FKBP4: variants seen among roughly 807,000 people sequenced by gnomAD.
FKBP4 encodes FKBP prolyl isomerase 4, also known as peptidyl-prolyl cis-trans isomerase FKBP4.
FKBP4 carries 28 observed loss-of-function variants against 54.1 expected under a neutral mutation model. The observed-to-expected ratio is 0.52, with a 90% confidence interval of 0.38 to 0.71. The LOEUF (loss-of-function observed/expected upper bound fraction) is 0.71, where lower values mean the gene tolerates loss of function less well. Among genes scored for constraint, FKBP4 ranks in the 30% least tolerant of loss-of-function variants. The pLI, the probability that FKBP4 is intolerant of heterozygous loss-of-function variation, is 0.00. For missense variants in FKBP4, 493 were observed against 574.4 expected (o/e 0.86, Z 1.45); for synonymous variants, 223 against 216.1 (o/e 1.03, Z -0.28).
At chr12:2,797,053 G>A in intron 1 of FKBP4, 85 bp from the exon 2 acceptor site, 1 of 1,565,048 alleles carries the variant, frequency 6.4e-7, no homozygotes, top group African/African-American at 1.4e-5. Context: ...GTCCCTTTAT[G>A]TTCCCTCTGG....
In FKBP4 at chr12:2,798,766, C is replaced by G. The variant is rs142464168; in HGVS notation, c.454C>G (p.Arg152Gly). The G allele has an allele frequency of 6.2e-7, 1 of 1,613,822 alleles. No individual in the cohort carries two copies. Among genetic ancestry groups the G allele is most frequent in the Non-Finnish European group, 8.5e-7 (1 of 1,179,948 alleles). Residue 152 changes from arginine (R) to glycine (G), a missense_variant, in exon 4 of 10, where the codon CGC (arginine) becomes GGC (glycine). By Grantham distance (125) the Arg-to-Gly change is moderately radical. Transcript: ENST00000001008. This position sits in a 1 kb window ranked among gnomAD's most constrained non-coding sequence, Gnocchi z 4.3. Reference protein sequence around the residue: ...LTEEEDGGIIRRIQTRGEGYA... With the variant: ...LTEEEDGGIIGRIQTRGEGYA... Reference sequence around the variant, plus strand: ...GGAAGAGGAAGATGGCGGAATCATTCGCAGAATACAGACTCGCGGTGAAGG... The same window carrying G: ...GGAAGAGGAAGATGGCGGAATCATTGGCAGAATACAGACTCGCGGTGAAGG...
intron 7 of FKBP4, 55 bp from the exon 8 acceptor site, chr12:2,800,337 A>G: frequency 6.4e-7 from 1 of 1,553,444 alleles, no homozygotes; most frequent in Non-Finnish European, 8.7e-7. Context: ...GCAGGGTATA[A>G]GAGCCTAGTA....
At position 2,803,302 on chromosome 12, in the gene FKBP4, T is replaced by C; in HGVS notation, c.*44T>C. On this transcript the variant is annotated 3_prime_UTR_variant, in exon 10 of 10. Transcript: ENST00000001008. ...ACTCCTGCGGCTGCCTGCCCCCCAG[T>C]CTCCCCACTCCACCCTGTTAGTTTT... 1.6e-5 allele frequency: 21 copies of C among 1,319,158 alleles called. No homozygotes were observed. Among genetic ancestry groups the C allele is most frequent in the Non-Finnish European group, 2.2e-5 (21 of 943,744 alleles). The allele number at this position is 1,319,158 out of a possible 1,614,324, so 81.7% of individuals were successfully genotyped here.
chr12:2,797,157 C>G lies in FKBP4; in HGVS notation c.125C>G (p.Thr42Arg), dbSNP rs764421075. The G allele has an allele frequency of 1.2e-6, 2 of 1,612,882 alleles. No individual in the cohort carries two copies. The highest frequency in any genetic ancestry group is 1.7e-6 in the Non-Finnish European group (2 of 1,179,850). ...TCCCAGGTCATCAAGAGAGAGGGCACAGGTACAGAGATGCCCATGATTGGG... is the reference window on the plus strand; with the variant it reads ...TCCCAGGTCATCAAGAGAGAGGGCAGAGGTACAGAGATGCCCATGATTGGG... ...GVLKVIKREG[T>R]GTEMPMIGDR... is the part of the protein sequence containing the mutation. Residue 42 changes from threonine (T) to arginine (R), a missense_variant, in exon 2 of 10, where the codon ACA (threonine) becomes AGA (arginine). By Grantham distance (71) the Thr-to-Arg change is moderately conservative (BLOSUM62 -1). Transcript: ENST00000001008.
chr12:2,796,722 A>G (rs57120900), intron 1 of FKBP4: 48,629 of 1,065,464 alleles, frequency 0.046, 1,474 homozygotes, highest in East Asian at 0.21. Flanking sequence ...ATGAAGGAAG[A>G]AGGAGGAAGT....
intron 9 of FKBP4, among the ~76,000 whole-genome samples, chr12:2,802,283 G>C (rs866991200): frequency 3.3e-5 from 5 of 152,050 alleles, no homozygotes; most frequent in Non-Finnish European, 7.4e-5. Flanking sequence ...GATTACAGGC[G>C]CCCGCCACCA....
At chr12:2,796,052 A>G (rs2097901645) in intron 1 of FKBP4, 1 of 1,176,500 alleles carries the variant, frequency 8.5e-7, no homozygotes, top group Non-Finnish European at 1.1e-6. Flanking sequence ...AGCTGCGGGG[A>G]GGGCATCTTG....
Position 2,803,309 on chromosome 12 carries a change from A to G in FKBP4, c.*51A>G. The stretch of plus-strand genomic sequence containing the variant: ...CGGCTGCCTGCCCCCCAGTCTCCCC[A>G]CTCCACCCTGTTAGTTTTGTAAAAA... On this transcript the variant is annotated 3_prime_UTR_variant, in exon 10 of 10. Transcript: ENST00000001008. 1 of 1,265,276 alleles carries G rather than the reference A, an allele frequency of 7.9e-7. No individual in the cohort carries two copies. The highest frequency in any genetic ancestry group is 1.5e-5 in the African/African-American group (1 of 67,368). The allele number at this position is 1,265,276 out of a possible 1,614,324, so 78.4% of individuals were successfully genotyped here. A position where few individuals can be genotyped will look rare whatever the true frequency, so the allele number is the denominator to read the frequency against.
chr12:2,797,046 C>T (rs2097902234), intron 1 of FKBP4, 92 bp from the exon 2 acceptor site: 2 of 1,548,290 alleles, frequency 1.3e-6, no homozygotes, highest in Admixed American at 1.9e-5. Context: ...CAGAGAAGTC[C>T]CTTTATGTTC....
rs2153920944 is a variant in FKBP4 at position 2,803,571 on chromosome 12, A to G, written c.*313A>G. 1 of 270,924 alleles carries G rather than the reference A, an allele frequency of 3.7e-6. No individual in the cohort carries two copies. Among genetic ancestry groups the G allele is most frequent in the Non-Finnish European group, 7.4e-6 (1 of 135,420 alleles). 16.8% of individuals were successfully genotyped at this position (270,924 alleles called of 1,614,324 possible). A position where few individuals can be genotyped will look rare whatever the true frequency, so the allele number is the denominator to read the frequency against. On this transcript the variant is annotated 3_prime_UTR_variant, in exon 10 of 10. Transcript: ENST00000001008. The stretch of plus-strand genomic sequence containing the variant: ...CCATTTTCTAAGGGTAGAAGAGGCA[A>G]GTGGTAGGGATGAGGTCTGATAAGA...
chr12:2,798,841 T>C lies in FKBP4; in HGVS notation c.514+15T>C, dbSNP rs760823059. 6.2e-7 allele frequency: 1 copy of C among 1,611,740 alleles called. No homozygotes were observed. The highest frequency in any genetic ancestry group is 1.1e-5 in the South Asian group (1 of 91,044). On this transcript the variant is annotated intron_variant, in intron 4 of 9. Transcript: ENST00000001008. This position sits in a 1 kb window ranked among gnomAD's most constrained non-coding sequence, Gnocchi z 4.3. ...TATCGTGGAGGGTGAGACAGTACAG[T>C]CTGGGCTTTCAATTCTCATTCTGAT...
In FKBP4 at chr12:2,798,842, C is replaced by T. The variant is rs764175520; in HGVS notation, c.514+16C>T. The stretch of plus-strand genomic sequence containing the variant: ...ATCGTGGAGGGTGAGACAGTACAGT[C>T]TGGGCTTTCAATTCTCATTCTGATA... On this transcript the variant is annotated intron_variant, in intron 4 of 9. Transcript: ENST00000001008. The surrounding 1 kb of genome is among the most constrained non-coding windows in gnomAD (Gnocchi z 4.3). 2.5e-6 allele frequency: 4 copies of T among 1,611,570 alleles called. No homozygotes were observed. The highest frequency in any genetic ancestry group is 3.4e-6 in the Non-Finnish European group (4 of 1,177,844).
Position 2,795,917 on chromosome 12 carries a change from G to A in FKBP4, c.105+673G>A. On this transcript the variant is annotated intron_variant, in intron 1 of 9. Transcript: ENST00000001008. This position sits in a 1 kb window ranked among gnomAD's most constrained non-coding sequence, Gnocchi z 4.3. ...GGAGGCCGGGCGCGGGGCATGCCGGGAGCTGTAGTCCCCTCCCCCCTCCGC... is the reference window on the plus strand; with the variant it reads ...GGAGGCCGGGCGCGGGGCATGCCGGAAGCTGTAGTCCCCTCCCCCCTCCGC... The A allele has an allele frequency of 3.0e-6, 3 of 993,028 alleles. No homozygotes were observed. Among genetic ancestry groups the A allele is most frequent in the Non-Finnish European group, 3.6e-6 (3 of 833,386 alleles). The allele number at this position is 993,028 out of a possible 1,614,324, so 61.5% of individuals were successfully genotyped here.
At chr12:2,799,664 A>G (rs1372787208) in intron 5 of FKBP4, among the ~76,000 whole-genome samples, 186 bp from the exon 6 acceptor site, 1 of 152,254 alleles carries the variant, frequency 6.6e-6, no homozygotes, top group African/African-American at 2.4e-5. Flanking sequence ...GTAAGTTATT[A>G]GAAGGGTATG....
At position 2,795,372 on chromosome 12, in the gene FKBP4, G is replaced by C. The variant is rs1216647329; in HGVS notation, c.105+128G>C. 1 of 243,356 alleles carries C rather than the reference G, an allele frequency of 4.1e-6. No homozygotes were observed. The highest frequency in any genetic ancestry group is 2.4e-5 in the African/African-American group (1 of 42,544). 15.1% of individuals were successfully genotyped at this position (243,356 alleles called of 1,614,324 possible). On this transcript the variant is annotated intron_variant, in intron 1 of 9. Coordinates refer to ENST00000001008, the MANE Select transcript of FKBP4 (RefSeq NM_002014.4). This position sits in a 1 kb window ranked among gnomAD's most constrained non-coding sequence, Gnocchi z 4.3. ...GCCTTTGCAGCCTCGCGGCCGTCCC[G>C]CCGGGGGCCGGTGGCATCGCCGTCC...
chr12:2,796,542 C>G, intron 1 of FKBP4: 3 of 1,191,418 alleles, frequency 2.5e-6, no homozygotes, highest in Non-Finnish European at 2.1e-6. Context: ...GACTAACTAC[C>G]AGAGGAATAC....
chr12:2,796,774 C>G (rs1448666989), intron 1 of FKBP4: 3 of 1,067,952 alleles, frequency 2.8e-6, no homozygotes, highest in East Asian at 7.6e-5. Context: ...TAATAATAAT[C>G]TATTATTCAA....
chr12:2,799,634 A>G (rs534631729), intron 5 of FKBP4, among the ~76,000 whole-genome samples: 8 of 152,332 alleles, frequency 5.3e-5, no homozygotes, highest in African/African-American at 1.9e-4. Flanking sequence ...TTAAATTAGT[A>G]ATCACACTGC....
At chr12:2,796,866 T>A (rs2097902141) in intron 1 of FKBP4, 2 of 1,247,296 alleles carry the variant, frequency 1.6e-6, no homozygotes, top group African/African-American at 1.5e-5. Flanking sequence ...TGGAGAATTT[T>A]AAAAACTTAC....
Sources: allele counts gnomAD v4.1 joint callset (sites outside exome capture counted in the v4.1 genomes callset), GRCh38; gene constraint gnomAD v4.1.1; non-coding constraint Gnocchi (gnomAD v3.1); transcripts MANE v1.5; gene names NCBI Gene and HGNC (gene_info 2026-07-23, HGNC 2026-07-21).